The following SPOCK3 variants were observed in gnomAD, a reference collection of about 807,000 sequenced individuals.
SPOCK3 encodes testican-3.
A neutral mutation model predicts 56.6 loss-of-function variants in SPOCK3; 30 were observed. The ratio of observed to expected loss-of-function variants is 0.53; its 90% CI spans 0.40 to 0.72. The LOEUF is 0.72. Ranked by LOEUF, SPOCK3 falls within the 30% of genes least tolerant of loss-of-function variation. The pLI, the probability that SPOCK3 is intolerant of heterozygous loss-of-function variation, is 0.00. For synonymous variants in SPOCK3, 196 were observed against 183.3 expected (o/e 1.07, Z -0.56); for missense variants, 527 against 530.0 (o/e 0.99, Z 0.06).
chr4:167,108,847 T>G (rs1052690769), intron 2 of SPOCK3, among the ~76,000 whole-genome samples: 2 of 147,834 alleles, frequency 1.4e-5, no homozygotes, highest in African/African-American at 5.0e-5. Context: ...ATGTTTGAGG[T>G]GATGAATACT....
Position 166,734,972 on chromosome 4 carries a change from TTCATCA to T in SPOCK3, c.1245_1250del (p.Asp415_Asp416del), listed in dbSNP as rs772461594. 8 of 1,517,794 alleles carry T rather than the reference TTCATCA, an allele frequency of 5.3e-6. No individual in the cohort carries two copies. The highest frequency in any genetic ancestry group is 1.7e-5 in the Admixed American group (1 of 59,444). The allele number at this position is 1,517,794 out of a possible 1,614,324, so 94.0% of individuals were successfully genotyped here. A position where few individuals can be genotyped will look rare whatever the true frequency, so the allele number is the denominator to read the frequency against. ...CACCATCATCATCATCCCCTTCATCTTCATCATCATCTTCAATTTCATCTTCATCAT... is the reference window on the plus strand; with the variant it reads ...CACCATCATCATCATCCCCTTCATCTTCATCTTCAATTTCATCTTCATCAT... On this transcript the variant is annotated inframe_deletion, in exon 11 of 11. Transcript: ENST00000357545.
chr4:166,818,505 C>T (rs1328174919), intron 6 of SPOCK3, among the ~76,000 whole-genome samples: 1 of 151,976 alleles, frequency 6.6e-6, no homozygotes, highest in Non-Finnish European at 1.5e-5. Context: ...GTGTAACTTA[C>T]TTTCGATTTA....
intron 2 of SPOCK3, among the ~76,000 whole-genome samples, chr4:167,090,276 C>T (rs1758591586): frequency 6.6e-6 from 1 of 152,070 alleles, no homozygotes; most frequent in Non-Finnish European, 1.5e-5. Flanking sequence ...GCACCCTCAT[C>T]AGCACTTGGC....
At chr4:166,738,588 T>C (rs979266136) in intron 9 of SPOCK3, among the ~76,000 whole-genome samples, 2 of 149,118 alleles carry the variant, frequency 1.3e-5, no homozygotes, top group African/African-American at 4.9e-5. Context: ...CACTTAGCAT[T>C]AGGTATATCT....
intron 6 of SPOCK3, among the ~76,000 whole-genome samples, chr4:166,868,707 G>A (rs1028130719): frequency 4.6e-5 from 7 of 151,976 alleles, no homozygotes; most frequent in Admixed American, 2.6e-4. Context: ...CAACATTGTT[G>A]AAAAAGTCAA....
intron 6 of SPOCK3, among the ~76,000 whole-genome samples, chr4:166,797,656 C>T (rs1355381347): frequency 6.6e-6 from 1 of 151,864 alleles, no homozygotes; most frequent in Non-Finnish European, 1.5e-5. Context: ...GTATTAAAAA[C>T]TTATTTTTTT....
intron 5 of SPOCK3, among the ~76,000 whole-genome samples, chr4:166,889,496 A>C (rs1734543408): frequency 1.3e-5 from 2 of 151,992 alleles, no homozygotes; most frequent in South Asian, 4.1e-4. Context: ...TAATAGGTTT[A>C]AAAGTCATTC....
chr4:166,780,015 T>A (rs901600308), intron 7 of SPOCK3, among the ~76,000 whole-genome samples: 1 of 152,172 alleles, frequency 6.6e-6, no homozygotes, highest in African/African-American at 2.4e-5. Flanking sequence ...AAAATATTAC[T>A]TAGGATTAAA....
At chr4:166,795,973 G>C (rs1317922062) in intron 6 of SPOCK3, among the ~76,000 whole-genome samples, 1 of 152,098 alleles carries the variant, frequency 6.6e-6, no homozygotes, top group African/African-American at 2.4e-5. Context: ...GAGGGCAAAG[G>C]CTTCACGATT....
intron 3 of SPOCK3, chr4:167,011,330 G>T (rs534825848): frequency 4.2e-5 from 19 of 455,724 alleles, no homozygotes; most frequent in South Asian, 2.2e-4. Flanking sequence ...TGATTCAGGG[G>T]TTGTTGCCTT....
chr4:167,205,375 T>G lies in SPOCK3; in HGVS notation c.189+28610A>C, dbSNP rs1176458181. Among the ~76,000 whole-genome samples the G allele has an allele frequency of 2.3e-4, 10 of 42,640 alleles. 1 individual carries two copies. Among genetic ancestry groups the G allele is most frequent in the African/African-American group, 1.0e-3 (10 of 9,772 alleles). The allele number at this position is 42,640 out of a possible 152,430, so 28.0% of individuals were successfully genotyped here. ...TAATATATATATTATATATTTTATA[T>G]ATATAATATATATATTTTATATATA... is the stretch of plus-strand genomic sequence containing the variant. On this transcript the variant is annotated intron_variant, in intron 2 of 10. Transcript: ENST00000357545.
At chr4:167,021,346 C>A (rs770408847) in intron 3 of SPOCK3, among the ~76,000 whole-genome samples, 1 of 151,906 alleles carries the variant, frequency 6.6e-6, no homozygotes, top group Non-Finnish European at 1.5e-5. Flanking sequence ...TCATTTCTTG[C>A]GAGTTAGTCC....
At chr4:167,082,250 G>A (rs547796377) in intron 2 of SPOCK3, among the ~76,000 whole-genome samples, 1 of 152,094 alleles carries the variant, frequency 6.6e-6, no homozygotes, top group Non-Finnish European at 1.5e-5. Context: ...TAATTATGTA[G>A]TATAAGTTAG....
At chr4:167,123,761 T>C (rs1217909669) in intron 2 of SPOCK3, among the ~76,000 whole-genome samples, 1 of 142,668 alleles carries the variant, frequency 7.0e-6, no homozygotes, top group Admixed American at 7.4e-5. Context: ...TTTTTTTTTT[T>C]AAGACTGAGT....
intron 6 of SPOCK3, among the ~76,000 whole-genome samples, chr4:166,876,157 G>T (rs575835575): frequency 3.3e-5 from 5 of 152,272 alleles, no homozygotes; most frequent in African/African-American, 1.2e-4. Context: ...GAAGTGAGGG[G>T]CTTTGTTATA....
intron 3 of SPOCK3, among the ~76,000 whole-genome samples, chr4:167,016,346 T>C (rs1046737270): frequency 6.6e-6 from 1 of 152,124 alleles, no homozygotes; most frequent in Non-Finnish European, 1.5e-5. Context: ...TGATCAATAG[T>C]AAAAAAGGTT....
chr4:167,107,428 G>A (rs770329569), intron 2 of SPOCK3, among the ~76,000 whole-genome samples: 19 of 151,768 alleles, frequency 1.3e-4, no homozygotes, highest in African/African-American at 4.3e-4. Flanking sequence ...GCCAAAAAAA[G>A]CATTTCATAA....
chr4:167,202,690 A>G (rs73861949), intron 2 of SPOCK3, among the ~76,000 whole-genome samples: 4,641 of 151,920 alleles, frequency 0.031, 149 homozygotes, highest in African/African-American at 0.076. Context: ...CCTTCCACCC[A>G]TGAAATAAGG....
chr4:167,119,211 A>G (rs1761671696), intron 2 of SPOCK3, among the ~76,000 whole-genome samples: 2 of 152,136 alleles, frequency 1.3e-5, no homozygotes, highest in Non-Finnish European at 2.9e-5. Flanking sequence ...GCAATTCTAT[A>G]GTTAAATAGA....
Sources: allele counts gnomAD v4.1 joint callset (sites outside exome capture counted in the v4.1 genomes callset), GRCh38; gene constraint gnomAD v4.1.1; transcripts MANE v1.5; gene names NCBI Gene and HGNC (gene_info 2026-07-23, HGNC 2026-07-21).